The following FLNB variants were observed in gnomAD, a reference collection of about 807,000 sequenced individuals.
FLNB encodes the protein filamin-B.
FLNB carries 111 observed loss-of-function variants against 250.6 expected under a neutral mutation model. That is an observed-to-expected ratio of 0.44 (90% CI 0.38 to 0.52). The LOEUF (loss-of-function observed/expected upper bound fraction) is 0.52, where lower values mean the gene tolerates loss of function less well. Ranked by LOEUF, FLNB falls within the 20% of genes least tolerant of loss-of-function variation. FLNB has a pLI of 0.00. For synonymous variants in FLNB, 1,302 were observed against 1,372.1 expected (o/e 0.95, Z 1.13); for missense variants, 2,869 against 3,447.8 (o/e 0.83, Z 4.20).
chr3:58,132,489 T>C (rs911447372), intron 25 of FLNB: 14 of 461,172 alleles, frequency 3.0e-5, no homozygotes, highest in East Asian at 4.8e-5. Context: ...AAAGGTTATA[T>C]TGTGTCTTCA....
At chr3:58,132,967 C>CA in intron 26 of FLNB, 36 bp downstream of exon 26, 1 of 1,594,716 alleles carries the variant, frequency 6.3e-7, no homozygotes, top group Non-Finnish European at 8.5e-7. Context: ...ATTCCTCCAT[C>CA]AGTCTATCTG....
At chr3:58,104,161 G>A (rs987863606) in intron 10 of FLNB, 76 bp downstream of exon 10, 86 of 1,513,448 alleles carry the variant, frequency 5.7e-5, no homozygotes, top group South Asian at 3.9e-4. Context: ...GTTGCTTCCC[G>A]GGCTGCAGGA....
rs1447858213 is a variant in FLNB, at chr3:58,168,546, T to C, written c.7305T>C (p.Pro2435=). The change falls in exon 44 of 46, where the codon CCT becomes CCC. Residue 2435 remains proline, a synonymous_variant. Coordinates refer to ENST00000295956, the MANE Select transcript of FLNB (RefSeq NM_001457.4). ...TTAAAATGGATTGCCAGGAAACACCTGAAGGGTACAAAGTCATGTACACCC... is the reference window on the plus strand; with the variant it reads ...TTAAAATGGATTGCCAGGAAACACCCGAAGGGTACAAAGTCATGTACACCC... The part of the protein sequence containing the change: ...SKVKMDCQET[P]EGYKVMYTPM... The C allele has an allele frequency of 6.2e-7, 1 of 1,614,162 alleles. No homozygotes were observed. Among genetic ancestry groups the C allele is most frequent in the Non-Finnish European group, 8.5e-7 (1 of 1,179,954 alleles).
rs746184200 is a variant in FLNB, at chr3:58,121,372, C to T, written c.2995C>T (p.Arg999Trp). The T allele has an allele frequency of 6.2e-6, 10 of 1,613,892 alleles. No homozygotes were observed. Among genetic ancestry groups the T allele is most frequent in the African/African-American group, 1.3e-5 (1 of 74,852 alleles). The change falls in exon 20 of 46, where the codon CGG becomes TGG. Residue 999 changes from arginine to tryptophan, a missense_variant. Arg to Trp is a moderately radical substitution (Grantham distance 101). Coordinates refer to ENST00000295956, the MANE Select transcript of FLNB (RefSeq NM_001457.4). ...VPCLVTPVTGRENSTAKFIPR... is the reference protein window; with the variant it reads ...VPCLVTPVTGWENSTAKFIPR... ...ATGCCTAGTGACACCTGTGACAGGC[C>T]GGGAGAACAGCACGGCCAAGTTCAT...
Position 58,123,556 on chromosome 3 carries a change from T to C in FLNB, c.3590T>C (p.Leu1197Pro). The C allele has an allele frequency of 6.2e-7, 1 of 1,609,114 alleles. No homozygotes were observed. The highest frequency in any genetic ancestry group is 8.5e-7 in the Non-Finnish European group (1 of 1,178,074). Residue 1197 changes from leucine to proline, a missense_variant, in exon 21 of 46, where the codon CTG becomes CCG. This residue lies in a region of FLNB where 1,348 missense variants were observed against 1,466.7 expected (regional missense o/e 0.92). Transcript: ENST00000295956. Reference protein sequence around the residue: ...DGTYAVTYVPLTAGMYTLTMK... With the variant: ...DGTYAVTYVPPTAGMYTLTMK... The stretch of plus-strand genomic sequence containing the variant: ...ACCTACGCGGTGACCTACGTGCCCC[T>C]GACGGCCGGCATGTACACGTTGACC...
intron 1 of FLNB, among the ~76,000 whole-genome samples, chr3:58,046,890 T>G (rs2097155183): frequency 6.6e-6 from 1 of 152,252 alleles, no homozygotes; most frequent in Non-Finnish European, 1.5e-5. Context: ...ATCATACACG[T>G]GTTCTGGTGT....
intron 18 of FLNB, among the ~76,000 whole-genome samples, chr3:58,116,168 T>A (rs960491750): frequency 3.3e-5 from 5 of 152,204 alleles, no homozygotes; most frequent in African/African-American, 1.2e-4. Flanking sequence ...AACTCTGTTT[T>A]CTGAAGAGCA....
At position 58,145,805 on chromosome 3, in the gene FLNB, C is replaced by T; in HGVS notation, c.5426-116C>T. 4 of 1,284,452 alleles carry T rather than the reference C, an allele frequency of 3.1e-6. No homozygotes were observed. In the South Asian group the frequency reaches 3.6e-5, roughly 12 times the overall value. 79.6% of individuals were successfully genotyped at this position (1,284,452 alleles called of 1,614,324 possible). On this transcript the variant is annotated intron_variant, in intron 32 of 45. Coordinates refer to ENST00000295956, the MANE Select transcript of FLNB (RefSeq NM_001457.4). ...TGCATCTCCTTCTGTCTCTTCATGCCTCTGCTTAGGAGGCGCCAGACCTGT... is the reference window on the plus strand; with the variant it reads ...TGCATCTCCTTCTGTCTCTTCATGCTTCTGCTTAGGAGGCGCCAGACCTGT...
rs375411803 is a variant in FLNB, at chr3:58,008,532, C to A, written c.-33C>A. ...GCCTCCAAACACCAGTCCCCGGCAGCTCGTTGCGCATTGCGCTCTCCCCGC... is the reference window on the plus strand; with the variant it reads ...GCCTCCAAACACCAGTCCCCGGCAGATCGTTGCGCATTGCGCTCTCCCCGC... On this transcript the variant is annotated 5_prime_UTR_variant, in exon 1 of 46. Coordinates refer to ENST00000295956, the MANE Select transcript of FLNB (RefSeq NM_001457.4). The A allele has an allele frequency of 6.4e-7, 1 of 1,561,148 alleles. No individual in the cohort carries two copies. The highest frequency in any genetic ancestry group is 1.4e-5 in the African/African-American group (1 of 73,368).
chr3:58,040,674 T>C (rs1415427200), intron 1 of FLNB, among the ~76,000 whole-genome samples: 1 of 152,180 alleles, frequency 6.6e-6, no homozygotes, highest in Non-Finnish European at 1.5e-5. Flanking sequence ...TTTGTATTTT[T>C]AGTAGAGACG....
intron 8 of FLNB, among the ~76,000 whole-genome samples, chr3:58,099,781 C>T (rs753496361): frequency 6.6e-6 from 1 of 152,170 alleles, no homozygotes; most frequent in Non-Finnish European, 1.5e-5. Context: ...CTTTGTGCTG[C>T]TTGTGAATGT....
rs151002497 is a variant in FLNB at position 58,126,712 on chromosome 3, C to T, written c.4172C>T (p.Ala1391Val). ...GSCSAEYIPF[A>V]PGDYDVNITY... ...TGCAGTGCTGAGTACATTCCTTTCG[C>T]ACCGGGGGATTACGATGTTAATATC... is the stretch of plus-strand genomic sequence containing the variant. The change falls in exon 24 of 46, where the codon GCA becomes GTA. Residue 1391 changes from alanine (A) to valine (V), a missense_variant. Physicochemically the swap from Ala to Val is moderately conservative, Grantham distance 64. Coordinates refer to ENST00000295956, the MANE Select transcript of FLNB (RefSeq NM_001457.4). 1.6e-4 allele frequency: 266 copies of T among 1,613,814 alleles called. No individual in the cohort carries two copies. The East Asian group carries it at 2.0e-3, about 12-fold the overall frequency.
chr3:58,088,038 CTTTTTT>C (rs56009116), intron 4 of FLNB, among the ~76,000 whole-genome samples: 945 of 84,558 alleles, frequency 0.011, 22 homozygotes, highest in Non-Finnish European at 0.012. Flanking sequence ...GGCGCCCAGC[CTTTTTT>C]TTTTTTTTTT....
chr3:58,109,108 G>T, intron 13 of FLNB, 71 bp from the exon 14 acceptor site: 1 of 1,598,284 alleles, frequency 6.3e-7, no homozygotes, highest in Non-Finnish European at 8.6e-7. Context: ...TGTCTTGGGA[G>T]GCCACAGTGA....
At chr3:58,146,097 G>T in intron 33 of FLNB, 48 bp downstream of exon 33, 2 of 1,609,036 alleles carry the variant, frequency 1.2e-6, no homozygotes, top group South Asian at 1.1e-5. Flanking sequence ...TCCATTTGGA[G>T]GGTGAAGTGG....
chr3:58,008,656 A>T lies in FLNB; in HGVS notation c.92A>T (p.Lys31Met), dbSNP rs759061129. The part of the protein sequence containing the change: ...TFTRWCNEHL[K>M]CVNKRIGNLQ... ...ACACGCTGGTGCAACGAGCACCTCA[A>T]GTGCGTGAACAAACGCATCGGCAAC... is the stretch of plus-strand genomic sequence containing the variant. Residue 31 changes from lysine to methionine, a missense_variant, in exon 1 of 46, where the codon AAG becomes ATG. Around this residue, in one of 5 missense-constraint regions of FLNB, gnomAD observed 308 missense variants for 466.1 expected, o/e 0.66. Transcript: ENST00000295956. 6.2e-7 allele frequency: 1 copy of T among 1,614,036 alleles called. No homozygotes were observed. Among genetic ancestry groups the T allele is most frequent in the Non-Finnish European group, 8.5e-7 (1 of 1,180,014 alleles).
At chr3:58,089,531 AGT>A (rs893382238) in intron 4 of FLNB, among the ~76,000 whole-genome samples, 1 of 146,168 alleles carries the variant, frequency 6.8e-6, no homozygotes, top group Non-Finnish European at 1.5e-5. Context: ...GGGCAAGAAG[AGT>A]GAGACTCCAT....
At chr3:58,028,496 C>G (rs1228926848) in intron 1 of FLNB, among the ~76,000 whole-genome samples, 1 of 151,680 alleles carries the variant, frequency 6.6e-6, no homozygotes, top group Admixed American at 6.6e-5. Flanking sequence ...GTGGCTCATG[C>G]CTGTAATCCC....
In FLNB at chr3:58,168,646, G is replaced by A; in HGVS notation, c.7405G>A (p.Ala2469Thr). 1 of 1,613,372 alleles carries A rather than the reference G, an allele frequency of 6.2e-7. No individual in the cohort carries two copies. Among genetic ancestry groups the A allele is most frequent in the Non-Finnish European group, 8.5e-7 (1 of 1,179,552 alleles). The change falls in exon 44 of 46, where the codon GCC (alanine) becomes ACC (threonine). Residue 2469 changes from alanine (A) to threonine (T), a missense_variant. Physicochemically the swap from Ala to Thr is moderately conservative, Grantham distance 58 (BLOSUM62 0). Transcript: ENST00000295956. ...CCACATCGTGGGCAGTCCCTTCAAG[G>A]CCAAGGTGACAGGTAACGAACAACC... ...PNHIVGSPFK[A>T]KVTGQRLVSP... is the part of the protein sequence containing the mutation.
Sources: gnomAD v4.1 joint callset for allele counts (sites outside exome capture counted in the v4.1 genomes callset) on GRCh38, gnomAD v4.1.1 for gene constraint, gnomAD v4.1.1 regional missense constraint, MANE v1.5 for transcripts, NCBI Gene and HGNC (gene_info 2026-07-23, HGNC 2026-07-21) for gene names.